The following NLRP14 variants were observed in gnomAD, a reference collection of about 807,000 sequenced individuals.
The protein encoded by NLRP14 is NLR family pyrin domain containing 14.
A neutral mutation model predicts 94.7 loss-of-function variants in NLRP14; 105 were observed. That is an observed-to-expected ratio of 1.11 (90% confidence interval 0.95 to 1.30). The LOEUF (loss-of-function observed/expected upper bound fraction) is 1.30. Ranked by LOEUF, NLRP14 falls within the 50% of genes most tolerant of loss-of-function variation. The probability of loss-of-function intolerance (pLI) is 0.00; values close to 1 mark genes in which losing one functional copy is unlikely to be tolerated. For synonymous variants in NLRP14, 508 were observed against 459.9 expected (o/e 1.10, Z -1.34); for missense variants, 1,362 against 1,254.1 (o/e 1.09, Z -1.30).
At chr11:7,024,512 A>G (rs1455411269) in intron 1 of NLRP14, among the ~76,000 whole-genome samples, 3 of 152,200 alleles carry the variant, frequency 2.0e-5, no homozygotes, top group Non-Finnish European at 2.9e-5. Flanking sequence ...CTTCCCTGAA[A>G]TCAAAATATC....
chr11:7,071,121 G>A, intron 11 of NLRP14, 52 bp from the exon 12 acceptor site: 1 of 1,604,106 alleles, frequency 6.2e-7, no homozygotes, highest in Non-Finnish European at 8.5e-7. Context: ...AGAAAGTGGA[G>A]GGCTGTAGGG....
At chr11:7,039,425 T>G (rs911250558) in intron 2 of NLRP14, among the ~76,000 whole-genome samples, 12 of 152,066 alleles carry the variant, frequency 7.9e-5, no homozygotes, top group African/African-American at 7.2e-5. Context: ...CGTATCGTAG[T>G]GAAGTCAGTA....
At chr11:7,039,974 A>G (rs1852223878) in intron 3 of NLRP14, among the ~76,000 whole-genome samples, 189 bp downstream of exon 3, 1 of 152,226 alleles carries the variant, frequency 6.6e-6, no homozygotes, top group Non-Finnish European at 1.5e-5. Context: ...GGGCCTTGTT[A>G]ATTCAGATCC....
the NLRP14 span, chr11:7,089,733 C>A: frequency 4.5e-6 from 7 of 1,543,354 alleles, no homozygotes; most frequent in East Asian, 1.7e-4. Flanking sequence ...GCGCCGCGAC[C>A]CCTACCTGGG....
At chr11:7,049,505 TATCAGGTCATAAATAG>T (rs1852409622) in intron 5 of NLRP14, among the ~76,000 whole-genome samples, 150 bp from the exon 6 acceptor site, 1 of 152,226 alleles carries the variant, frequency 6.6e-6, no homozygotes, top group South Asian at 2.1e-4. Context: ...GAGTGTCAAT[TATCAGGTCATAAATAG>T]AAATTGAAGT....
intron 5 of NLRP14, among the ~76,000 whole-genome samples, 173 bp from the exon 6 acceptor site, chr11:7,049,498 T>C (rs1047421080): frequency 2.0e-5 from 3 of 152,140 alleles, no homozygotes; most frequent in Non-Finnish European, 4.4e-5. Context: ...AACTGGGGAG[T>C]GTCAATTATC....
At chr11:7,058,573 G>T in intron 8 of NLRP14, 123 bp downstream of exon 8, 1 of 737,602 alleles carries the variant, frequency 1.4e-6, no homozygotes. Context: ...AATGAAGAAG[G>T]TGAAAGTGAT....
chr11:7,057,505 T>C (rs974086926), intron 6 of NLRP14, among the ~76,000 whole-genome samples, 172 bp from the exon 7 acceptor site: 7 of 152,084 alleles, frequency 4.6e-5, no homozygotes, highest in African/African-American at 1.4e-4. Flanking sequence ...CCTCCTTAAC[T>C]CTGTCAGAGC....
At position 7,057,674 on chromosome 11, in the gene NLRP14, C is replaced by T. The variant is rs1432439386; in HGVS notation, c.2292-3C>T. On this transcript the variant is annotated splice_region_variant and splice_polypyrimidine_tract_variant and intron_variant, in intron 6 of 11. Transcript: ENST00000299481. ...ATTCCTGCTTTTCTGTGTTGTTTTC[C>T]AGGCTGGAATCTTGCAACCTAACTG... The T allele has an allele frequency of 1.9e-6, 3 of 1,611,550 alleles. No homozygotes were observed. The highest frequency in any genetic ancestry group is 2.7e-5 in the African/African-American group (2 of 74,782).
At chr11:7,058,207 T>G (rs1431719096) in intron 7 of NLRP14, 73 bp from the exon 8 acceptor site, 17 of 1,309,316 alleles carry the variant, frequency 1.3e-5, no homozygotes, top group Non-Finnish European at 1.9e-5. Flanking sequence ...GTGCCACTGA[T>G]TTCCCTGTGA....
At chr11:7,090,647 A>C in the NLRP14 span, 8 of 347,710 alleles carry the variant, frequency 2.3e-5, no homozygotes, top group South Asian at 1.4e-4. Context: ...TTTGATAAAC[A>C]TCTGCTCACC....
intron 4 of NLRP14, among the ~76,000 whole-genome samples, 173 bp from the exon 5 acceptor site, chr11:7,046,495 T>G (rs938131823): frequency 6.6e-6 from 1 of 152,180 alleles, no homozygotes; most frequent in African/African-American, 2.4e-5. Context: ...AAATAAGACC[T>G]CTGGAGTGCC....
chr11:7,057,874 A>C (rs1852541896), intron 7 of NLRP14, 27 bp downstream of exon 7: 3 of 1,598,514 alleles, frequency 1.9e-6, no homozygotes, highest in Non-Finnish European at 2.6e-6. Flanking sequence ...TGTTTTCTGT[A>C]GAGTCATTTT....
In NLRP14 at chr11:7,038,821, T is replaced by C. The variant is rs1435093385; in HGVS notation, c.235T>C (p.Phe79Leu). Residue 79 changes from phenylalanine to leucine, a missense_variant, in exon 2 of 12, where the codon TTT becomes CTT. Physicochemically the swap from Phe to Leu is conservative, Grantham distance 22. Transcript: ENST00000299481. ...EKAWSVSLKIFGKMNLKDLCE... is the reference protein window; with the variant it reads ...EKAWSVSLKILGKMNLKDLCE... ...AGCCTGGAGTGTGTCTCTCAAAATC[T>C]TTGGCAAGATGAACCTGAAGGATCT... 4 of 1,612,742 alleles carry C rather than the reference T, an allele frequency of 2.5e-6. No homozygotes were observed. The highest frequency in any genetic ancestry group is 3.4e-6 in the Non-Finnish European group (4 of 1,179,710).
At chr11:7,040,192 C>G (rs1158337070) in intron 3 of NLRP14, among the ~76,000 whole-genome samples, 1 of 152,062 alleles carries the variant, frequency 6.6e-6, no homozygotes, top group African/African-American at 2.4e-5. Flanking sequence ...AGAACCAGGT[C>G]TTCTCAGTCA....
chr11:7,037,218 A>G (rs973939696), intron 1 of NLRP14, among the ~76,000 whole-genome samples: 1 of 152,222 alleles, frequency 6.6e-6, no homozygotes, highest in South Asian at 2.1e-4. Context: ...TTACTATAGG[A>G]CTTGTTTTTG....
chr11:7,032,566 T>A (rs10839694), intron 1 of NLRP14, among the ~76,000 whole-genome samples: 87,281 of 151,998 alleles, frequency 0.57, 26,170 homozygotes, highest in East Asian at 0.73. Context: ...ACATTTATAT[T>A]AACTCCTTTT....
downstream of NLRP14, among the ~76,000 whole-genome samples, chr11:7,072,505 G>T (rs1852815687): frequency 6.6e-6 from 1 of 152,220 alleles, no homozygotes; most frequent in Non-Finnish European, 1.5e-5. Flanking sequence ...TGTCTCTCTT[G>T]ATCCTTGGTT....
At chr11:7,045,460 G>C (rs750800398) in intron 4 of NLRP14, among the ~76,000 whole-genome samples, 1 of 152,152 alleles carries the variant, frequency 6.6e-6, no homozygotes, top group South Asian at 2.1e-4. Flanking sequence ...AAGAAAAACT[G>C]TAGGTGACCT....
Sources: allele counts gnomAD v4.1 joint callset (sites outside exome capture counted in the v4.1 genomes callset), GRCh38; gene constraint gnomAD v4.1.1; transcripts MANE v1.5; gene names NCBI Gene and HGNC (gene_info 2026-07-23, HGNC 2026-07-21).